The following NPAS2 variants were observed in gnomAD, a reference collection of about 807,000 sequenced individuals.
The protein encoded by NPAS2 is neuronal PAS domain-containing protein 2.
NPAS2 carries 23 observed loss-of-function variants against 107.5 expected under a neutral mutation model. That is an observed-to-expected ratio of 0.21 (90% CI 0.15 to 0.30). NPAS2 has a LOEUF of 0.30. NPAS2 is among the 10% of genes least tolerant of loss of function. The probability of loss-of-function intolerance (pLI) is 1.00; values close to 1 mark genes in which losing one functional copy is unlikely to be tolerated. For missense variants in NPAS2, 756 were observed against 1,043.3 expected (o/e 0.72, Z 3.79); for synonymous variants, 403 against 417.5 (o/e 0.97, Z 0.42).
chr2:100,839,029 CCA>C (rs1254013110), intron 1 of NPAS2, among the ~76,000 whole-genome samples: 3 of 152,146 alleles, frequency 2.0e-5, no homozygotes, highest in Non-Finnish European at 4.4e-5. Context: ...TCCGTCTCTC[CCA>C]CCCCTGAGAC....
chr2:100,888,444 T>G (rs922852054), intron 1 of NPAS2, among the ~76,000 whole-genome samples: 4 of 152,028 alleles, frequency 2.6e-5, no homozygotes, highest in Non-Finnish European at 5.9e-5. Flanking sequence ...GTGATGAGGA[T>G]GGGGCTAAAG....
At chr2:100,988,047 C>G in intron 16 of NPAS2, 32 bp from the exon 17 acceptor site, 1 of 1,607,698 alleles carries the variant, frequency 6.2e-7, no homozygotes, top group South Asian at 1.1e-5. Flanking sequence ...CCCATGACCC[C>G]AACTTCACAG....
chr2:100,943,487 A>G (rs1674703296), intron 5 of NPAS2, among the ~76,000 whole-genome samples: 1 of 152,210 alleles, frequency 6.6e-6, no homozygotes, highest in Non-Finnish European at 1.5e-5. Flanking sequence ...ACCCTAGGGT[A>G]ATGCGGATGT....
intron 2 of NPAS2, among the ~76,000 whole-genome samples, chr2:100,924,712 C>T (rs1388274670): frequency 2.0e-5 from 3 of 149,606 alleles, no homozygotes; most frequent in South Asian, 4.3e-4. Flanking sequence ...TGGTGGCACA[C>T]GGGATACCTG....
chr2:100,919,808 C>T (rs1573621253), intron 2 of NPAS2, among the ~76,000 whole-genome samples: 1 of 152,184 alleles, frequency 6.6e-6, no homozygotes, highest in South Asian at 2.1e-4. Context: ...CTATGCACCC[C>T]TCAAAGCCAC....
Position 100,965,243 on chromosome 2 carries a change from C to T in NPAS2, c.800+300C>T, listed in dbSNP as rs1289647656. ...AGCAGCAAGTGTGAGAGAAATCTCT[C>T]ATCTCATTTTTTTCAACATCCTTTG... On this transcript the variant is annotated intron_variant, in intron 9 of 20. Transcript: ENST00000335681. This position sits in a 1 kb window ranked among gnomAD's most constrained non-coding sequence, Gnocchi z 4.3. 6.6e-6 allele frequency among the ~76,000 whole-genome samples: 1 copy of T among 152,216 alleles called. No individual in the cohort carries two copies. The highest frequency in any genetic ancestry group is 1.5e-5 in the Non-Finnish European group (1 of 68,024).
At chr2:100,830,972 G>A (rs1292626920) in intron 1 of NPAS2, among the ~76,000 whole-genome samples, 2 of 152,098 alleles carry the variant, frequency 1.3e-5, no homozygotes, top group African/African-American at 2.4e-5. Context: ...GAGGACAAGG[G>A]GAAGCCAGTC....
rs1682870879 is a variant in NPAS2 at position 100,916,179 on chromosome 2, A to G, written c.33-8967A>G. The stretch of plus-strand genomic sequence containing the variant: ...AAAGAAAGCAGGAAAGGGGAAATAA[A>G]CAATAACCCAAAACAAAGAATGTAC... On this transcript the variant is annotated intron_variant, in intron 2 of 20. Coordinates refer to ENST00000335681, the MANE Select transcript of NPAS2 (RefSeq NM_002518.4). 2.0e-5 allele frequency among the ~76,000 whole-genome samples: 3 copies of G among 152,318 alleles called. No homozygotes were observed. The South Asian group carries it at 6.2e-4, about 32-fold the overall frequency.
chr2:100,931,354 A>G lies in NPAS2; in HGVS notation c.182-1556A>G, dbSNP rs566070743. Among the ~76,000 whole-genome samples the G allele has an allele frequency of 1.1e-4, 17 of 152,296 alleles. No individual in the cohort carries two copies. The South Asian group carries it at 3.1e-3, about 28-fold the overall frequency. ...CAAAGACAAAAATCCAATTTTGTAT[A>G]ACAGCAGCAGCAACTCGTTCTTTCT... is the stretch of plus-strand genomic sequence containing the variant. On this transcript the variant is annotated intron_variant, in intron 3 of 20. Transcript: ENST00000335681.
At chr2:100,907,685 A>G (rs1682253370) in intron 2 of NPAS2, among the ~76,000 whole-genome samples, 1 of 152,196 alleles carries the variant, frequency 6.6e-6, no homozygotes, top group South Asian at 2.1e-4. Context: ...CATTGCCTCC[A>G]GAAAACATGC....
At chr2:100,857,889 G>A (rs1178509980) in intron 1 of NPAS2, among the ~76,000 whole-genome samples, 1 of 152,264 alleles carries the variant, frequency 6.6e-6, no homozygotes, top group African/African-American at 2.4e-5. Context: ...AGCTCAAGCT[G>A]CCTCCTGGCA....
intron 5 of NPAS2, among the ~76,000 whole-genome samples, chr2:100,946,526 C>T (rs149213814): frequency 5.9e-5 from 9 of 152,186 alleles, no homozygotes; most frequent in East Asian, 3.9e-4. Context: ...AAAAAAGGCT[C>T]GGAAGGATTA....
At chr2:100,823,762 G>A (rs1264270185) in intron 1 of NPAS2, 1 of 152,308 alleles carries the variant, frequency 6.6e-6, no homozygotes, top group East Asian at 1.9e-4. Context: ...CAGGGAGAGA[G>A]AGAGGGATTG....
chr2:100,968,154 A>C lies in NPAS2; in HGVS notation c.908-127A>C. 1 of 950,112 alleles carries C rather than the reference A, an allele frequency of 1.1e-6. No individual in the cohort carries two copies. The highest frequency in any genetic ancestry group is 1.6e-5 in the South Asian group (1 of 62,440). 58.9% of individuals were successfully genotyped at this position (950,112 alleles called of 1,614,324 possible). A position where few individuals can be genotyped will look rare whatever the true frequency, so the allele number is the denominator to read the frequency against. ...TGACAGTCACTTAAAATACAGGGCAACCGGGGAAACAAGCCATGTTTGGTA... is the reference window on the plus strand; with the variant it reads ...TGACAGTCACTTAAAATACAGGGCACCCGGGGAAACAAGCCATGTTTGGTA... On this transcript the variant is annotated intron_variant, in intron 10 of 20. Coordinates refer to ENST00000335681, the MANE Select transcript of NPAS2 (RefSeq NM_002518.4). The surrounding 1 kb of genome is among the most constrained non-coding windows in gnomAD (Gnocchi z 5.3).
At chr2:100,924,482 T>G (rs1683435232) in intron 2 of NPAS2, among the ~76,000 whole-genome samples, 1 of 152,250 alleles carries the variant, frequency 6.6e-6, no homozygotes, top group Non-Finnish European at 1.5e-5. Flanking sequence ...GTGTGTAGCT[T>G]TTTCAGACTG....
At chr2:100,919,708 C>T (rs1485416390) in intron 2 of NPAS2, among the ~76,000 whole-genome samples, 1 of 152,216 alleles carries the variant, frequency 6.6e-6, no homozygotes, top group Non-Finnish European at 1.5e-5. Flanking sequence ...CGTGCCTCCC[C>T]ACCCTATCCT....
intron 7 of NPAS2, among the ~76,000 whole-genome samples, chr2:100,951,485 C>T (rs1214825973): frequency 1.3e-5 from 2 of 152,164 alleles, no homozygotes; most frequent in Non-Finnish European, 2.9e-5. Flanking sequence ...TATACATGCA[C>T]TGGAATATTA....
In NPAS2 at chr2:100,964,863, A is replaced by G; in HGVS notation, c.720A>G (p.Glu240=). The G allele has an allele frequency of 1.3e-6, 2 of 1,575,876 alleles. No individual in the cohort carries two copies. Among genetic ancestry groups the G allele is most frequent in the South Asian group, 1.2e-5 (1 of 83,258 alleles). ...VRLATPQFLK[E]MCIVDEPLEE... ...TTTTTTTTCTGCTTCCAATACAGGAAATGTGCATAGTTGACGAACCTTTAG... is the reference window on the plus strand; with the variant it reads ...TTTTTTTTCTGCTTCCAATACAGGAGATGTGCATAGTTGACGAACCTTTAG... The change falls in exon 9 of 21, where the codon GAA becomes GAG. Residue 240 remains glutamate (E), a splice_region_variant and synonymous_variant. Coordinates refer to ENST00000335681, the MANE Select transcript of NPAS2 (RefSeq NM_002518.4).
intron 1 of NPAS2, among the ~76,000 whole-genome samples, chr2:100,843,231 A>AT (rs397985315): frequency 6.6e-6 from 1 of 150,952 alleles, no homozygotes; most frequent in Non-Finnish European, 1.5e-5. Context: ...AAAAAAAAAA[A>AT]TGCTGGCATC....
Sources: gnomAD v4.1 joint callset for allele counts (sites outside exome capture counted in the v4.1 genomes callset) on GRCh38, gnomAD v4.1.1 for gene constraint, Gnocchi (gnomAD v3.1) non-coding constraint, MANE v1.5 for transcripts, NCBI Gene and HGNC (gene_info 2026-07-23, HGNC 2026-07-21) for gene names.